Variants in PPP4R3B observed in about 807,000 individuals in gnomAD.
PPP4R3B encodes the protein serine/threonine-protein phosphatase 4 regulatory subunit 3B.
Under a neutral mutation model 95.4 loss-of-function variants are expected in PPP4R3B, and 52 were observed. That is an observed-to-expected ratio of 0.54 (90% CI 0.44 to 0.69). The LOEUF (loss-of-function observed/expected upper bound fraction) is 0.69. Ranked by LOEUF, PPP4R3B falls within the 30% of genes least tolerant of loss-of-function variation. PPP4R3B has a pLI of 0.00. For synonymous variants in PPP4R3B, 407 were observed against 343.9 expected, an observed-to-expected ratio of 1.18 and a Z score of -2.03; for missense variants, 1,003 against 1,005.9, an observed-to-expected ratio of 1.00 and a Z score of 0.04.
chr2:55,559,056 A>G, intron 15 of PPP4R3B, 88 bp from the exon 16 acceptor site: 1 of 1,087,936 alleles, frequency 9.2e-7, no homozygotes. Context: ...AAAACTTATA[A>G]AACATTGCTG....
At chr2:55,592,297 C>G (rs1347382700) in intron 4 of PPP4R3B, among the ~76,000 whole-genome samples, 7 of 152,156 alleles carry the variant, frequency 4.6e-5, no homozygotes, top group Non-Finnish European at 1.0e-4. Context: ...ATTTAGAATC[C>G]AGGCCTCCCA....
intron 2 of PPP4R3B, among the ~76,000 whole-genome samples, chr2:55,609,672 AAAAAAAAAAC>A (rs1693899669): frequency 6.6e-6 from 1 of 151,910 alleles, no homozygotes; most frequent in Non-Finnish European, 1.5e-5. Flanking sequence ...TGTCTCAAAA[AAAAAAAAAAC>A]AAAAAAAACA....
At chr2:55,552,496 C>T (rs544283608) in intron 16 of PPP4R3B, among the ~76,000 whole-genome samples, 92 of 152,270 alleles carry the variant, frequency 6.0e-4, no homozygotes, top group African/African-American at 1.8e-3. Flanking sequence ...AGGGTGCAAG[C>T]GATTCCTGTG....
intron 2 of PPP4R3B, among the ~76,000 whole-genome samples, chr2:55,612,664 G>T (rs1213143422): frequency 6.6e-6 from 1 of 152,088 alleles, no homozygotes; most frequent in African/African-American, 2.4e-5. Flanking sequence ...AGTAAGGTTG[G>T]CCGGGCTTGG....
intron 7 of PPP4R3B, among the ~76,000 whole-genome samples, chr2:55,583,970 C>T (rs983348995): frequency 1.3e-5 from 2 of 152,040 alleles, no homozygotes; most frequent in Non-Finnish European, 2.9e-5. Flanking sequence ...CTTTAGGAGG[C>T]CGAGATGGGT....
chr2:55,616,750 G>A (rs1694994908), intron 1 of PPP4R3B: 1 of 154,206 alleles, frequency 6.5e-6, no homozygotes, highest in Non-Finnish European at 1.4e-5. Context: ...AAAAACACTC[G>A]GAAAGAAAAG....
chr2:55,579,528 C>T, intron 9 of PPP4R3B, 151 bp downstream of exon 9: 1 of 446,306 alleles, frequency 2.2e-6, no homozygotes, highest in Non-Finnish European at 3.8e-6. Flanking sequence ...CCTTAAGAAA[C>T]AAGAAAATCA....
chr2:55,591,718 A>T (rs1389195998), intron 4 of PPP4R3B: 8 of 912,710 alleles, frequency 8.8e-6, no homozygotes, highest in Non-Finnish European at 1.0e-5. Context: ...TTACAGATAG[A>T]GGCAATCTCA....
At chr2:55,570,388 A>G (rs537789656) in intron 12 of PPP4R3B, among the ~76,000 whole-genome samples, 1 of 152,354 alleles carries the variant, frequency 6.6e-6, no homozygotes, top group Admixed American at 6.5e-5. Flanking sequence ...TAAAAGTAAA[A>G]CAGAGTAATG....
chr2:55,600,025 A>G (rs1692328157), intron 3 of PPP4R3B, among the ~76,000 whole-genome samples: 2 of 152,172 alleles, frequency 1.3e-5, no homozygotes, highest in African/African-American at 2.4e-5. Flanking sequence ...TCTTGTTTTT[A>G]TAATTTATTT....
At chr2:55,596,031 T>C (rs1360036193) in intron 4 of PPP4R3B, among the ~76,000 whole-genome samples, 1 of 152,184 alleles carries the variant, frequency 6.6e-6, no homozygotes, top group East Asian at 1.9e-4. Context: ...AAATATAGTA[T>C]AAAACTCCTA....
chr2:55,554,078 A>T (rs190135534), intron 16 of PPP4R3B, among the ~76,000 whole-genome samples: 2 of 152,050 alleles, frequency 1.3e-5, no homozygotes, highest in African/African-American at 4.8e-5. Flanking sequence ...TTATTTTTAT[A>T]TATTTATTTT....
chr2:55,571,205 A>G (rs1687952733), intron 12 of PPP4R3B, among the ~76,000 whole-genome samples: 1 of 151,874 alleles, frequency 6.6e-6, no homozygotes, highest in African/African-American at 2.4e-5. Context: ...AGCTACTCGA[A>G]AGGCTGAGGC....
chr2:55,570,863 C>T (rs1241823597), intron 12 of PPP4R3B, among the ~76,000 whole-genome samples: 1 of 152,168 alleles, frequency 6.6e-6, no homozygotes, highest in African/African-American at 2.4e-5. Flanking sequence ...AAATGGTTTA[C>T]TTAAGATGCA....
chr2:55,592,015 C>T (rs887816213), intron 4 of PPP4R3B, among the ~76,000 whole-genome samples: 2 of 152,028 alleles, frequency 1.3e-5, no homozygotes, highest in South Asian at 2.1e-4. Flanking sequence ...ACTTGTGTGG[C>T]TGCTTTTCTG....
At chr2:55,613,271 C>G (rs1327945991) in intron 2 of PPP4R3B, among the ~76,000 whole-genome samples, 1 of 151,724 alleles carries the variant, frequency 6.6e-6, no homozygotes, top group African/African-American at 2.4e-5. Flanking sequence ...TAACATCATT[C>G]ACACAAGTTT....
chr2:55,551,397 G>T (rs766258805), intron 16 of PPP4R3B, among the ~76,000 whole-genome samples: 3 of 151,826 alleles, frequency 2.0e-5, no homozygotes, highest in African/African-American at 7.3e-5. Flanking sequence ...TAATACCTCT[G>T]CCTCAGTTTG....
intron 4 of PPP4R3B, among the ~76,000 whole-genome samples, chr2:55,598,079 G>C (rs1324241390): frequency 2.0e-5 from 3 of 152,068 alleles, no homozygotes; most frequent in Non-Finnish European, 4.4e-5. Context: ...AATCAGCTGG[G>C]CATGGCAGTG....
chr2:55,582,006 T>G (rs1689511416), intron 7 of PPP4R3B, among the ~76,000 whole-genome samples: 1 of 152,120 alleles, frequency 6.6e-6, no homozygotes, highest in Admixed American at 6.6e-5. Context: ...TCTTGTTCAG[T>G]AGAGGTTCTA....
Sources: allele counts gnomAD v4.1 joint callset (sites outside exome capture counted in the v4.1 genomes callset), GRCh38; gene constraint gnomAD v4.1.1; transcripts MANE v1.5; gene names NCBI Gene and HGNC (gene_info 2026-07-23, HGNC 2026-07-21).